Variants in REPS1 observed in about 807,000 individuals in gnomAD.
The protein encoded by REPS1 is RALBP1 associated Eps domain containing 1, also known as ralBP1-associated Eps domain-containing protein 1.
In REPS1, 39 loss-of-function variants were observed where a neutral mutation model predicts 100.9. The observed-to-expected ratio is 0.39, with a 90% CI of 0.30 to 0.50. The LOEUF (loss-of-function observed/expected upper bound fraction) is 0.50. Among genes scored for constraint, REPS1 ranks in the 20% least tolerant of loss-of-function variants. The probability of loss-of-function intolerance (pLI) is 0.86; values close to 1 mark genes in which losing one functional copy is unlikely to be tolerated. For synonymous variants in REPS1, 324 were observed against 340.3 expected, an observed-to-expected ratio of 0.95 and a Z score of 0.53; for missense variants, 821 against 968.5, an observed-to-expected ratio of 0.85 and a Z score of 2.02.
At position 138,943,937 on chromosome 6, in the gene REPS1, G is replaced by T; in HGVS notation, c.832C>A (p.Pro278Thr). 1 of 1,613,380 alleles carries T rather than the reference G, an allele frequency of 6.2e-7. No homozygotes were observed. Among genetic ancestry groups the T allele is most frequent in the Non-Finnish European group, 8.5e-7 (1 of 1,179,478 alleles). The change falls in exon 6 of 20, where the codon CCC (proline) becomes ACC (threonine). Residue 278 changes from proline (P) to threonine (T), a missense_variant. This residue lies in a region of REPS1 where 757 missense variants were observed against 866.4 expected (regional missense o/e 0.87). Coordinates refer to ENST00000450536, the MANE Select transcript of REPS1 (RefSeq NM_001286611.2). ...CTTTGTTCATCTGTTATTTTCCAGG[G>T]ATCATCATAACTACTGGATTGCCTA... Reference protein sequence around the residue: ...IRRQSSSYDDPWKITDEQRQY... With the variant: ...IRRQSSSYDDTWKITDEQRQY...
chr6:138,951,328 TA>T (rs1783024937), intron 1 of REPS1, among the ~76,000 whole-genome samples: 1 of 152,150 alleles, frequency 6.6e-6, no homozygotes, highest in Non-Finnish European at 1.5e-5. Flanking sequence ...CACAGAAAAC[TA>T]AAAGATCATA....
At chr6:138,906,387 A>AT (rs1282883626) in intron 19 of REPS1, among the ~76,000 whole-genome samples, 1 of 152,264 alleles carries the variant, frequency 6.6e-6, no homozygotes, top group Non-Finnish European at 1.5e-5. Context: ...CAAGACGGTC[A>AT]TAAGTTTATC....
At chr6:138,985,183 T>C (rs1307386737) in intron 1 of REPS1, among the ~76,000 whole-genome samples, 1 of 152,174 alleles carries the variant, frequency 6.6e-6, no homozygotes, top group Non-Finnish European at 1.5e-5. Flanking sequence ...TCTGATCACT[T>C]TTCTCTGCCT....
chr6:138,943,860 A>T lies in REPS1; in HGVS notation c.909T>A (p.Phe303Leu). ...FKTIQPDLNG[F>L]IPGSAAKEFF... is the part of the protein sequence containing the mutation. Reference sequence around the variant, plus strand: ...CTGTTTTCAACAACTCACCTGGAATAAATCCGTTTAGATCAGGCTGAATGG... The same window carrying T: ...CTGTTTTCAACAACTCACCTGGAATTAATCCGTTTAGATCAGGCTGAATGG... Residue 303 changes from phenylalanine (F) to leucine (L), a missense_variant, in exon 6 of 20, where the codon TTT (phenylalanine) becomes TTA (leucine). This residue lies in a region of REPS1 where 757 missense variants were observed against 866.4 expected (regional missense o/e 0.87). Transcript: ENST00000450536. 1 of 1,612,498 alleles carries T rather than the reference A, an allele frequency of 6.2e-7. No individual in the cohort carries two copies. The highest frequency in any genetic ancestry group is 8.5e-7 in the Non-Finnish European group (1 of 1,179,410).
Position 138,944,589 on chromosome 6 carries a change from T to C in REPS1, c.662A>G (p.His221Arg). ...SSAGDAVWSG[H>R]SPPPPQENWV... is the part of the protein sequence containing the mutation. ...GTTTTCTTGAGGTGGAGGTGGGGAA[T>C]GCCCTGACCACACTGCATCACCAGC... The change falls in exon 5 of 20, where the codon CAT becomes CGT. Residue 221 changes from histidine (H) to arginine (R), a missense_variant. By Grantham distance (29) the His-to-Arg change is conservative. This residue lies in a region of REPS1 where 757 missense variants were observed against 866.4 expected (regional missense o/e 0.87). Transcript: ENST00000450536. 1 of 1,614,032 alleles carries C rather than the reference T, an allele frequency of 6.2e-7. No homozygotes were observed. The highest frequency in any genetic ancestry group is 8.5e-7 in the Non-Finnish European group (1 of 1,179,938).
intron 10 of REPS1, among the ~76,000 whole-genome samples, chr6:138,922,749 C>T (rs1159175853): frequency 6.6e-6 from 1 of 152,100 alleles, no homozygotes; most frequent in African/African-American, 2.4e-5. Context: ...AATTTGAGAT[C>T]CTAAATTTTG....
intron 18 of REPS1, 61 bp from the exon 19 acceptor site, chr6:138,907,661 T>C: frequency 9.8e-7 from 1 of 1,018,082 alleles, no homozygotes; most frequent in South Asian, 1.3e-5. Flanking sequence ...AAATCCTCTC[T>C]ATTCCTTCCT....
chr6:138,906,607 T>A (rs541505780), intron 19 of REPS1, among the ~76,000 whole-genome samples: 1 of 152,332 alleles, frequency 6.6e-6, no homozygotes, highest in East Asian at 1.9e-4. Flanking sequence ...GTGTAATAAA[T>A]GCTAAATGAG....
At chr6:138,955,098 C>T (rs1385588637) in intron 1 of REPS1, among the ~76,000 whole-genome samples, 1 of 152,044 alleles carries the variant, frequency 6.6e-6, no homozygotes, top group East Asian at 1.9e-4. Flanking sequence ...TTGTGCATGT[C>T]TTTGTGCACT....
intron 1 of REPS1, among the ~76,000 whole-genome samples, chr6:138,967,925 CTAAT>C (rs1252472844): frequency 6.6e-6 from 1 of 152,110 alleles, no homozygotes; most frequent in African/African-American, 2.4e-5. Flanking sequence ...AAGAAAAAAA[CTAAT>C]TAATGCCCAG....
intron 17 of REPS1, among the ~76,000 whole-genome samples, chr6:138,909,428 CTTTAG>C (rs1246182906): frequency 2.6e-5 from 4 of 152,266 alleles, no homozygotes; most frequent in African/African-American, 9.6e-5. Flanking sequence ...ACTGCTATCT[CTTTAG>C]TTAAGTGATA....
At chr6:138,971,204 T>A (rs1784322885) in intron 1 of REPS1, among the ~76,000 whole-genome samples, 1 of 152,214 alleles carries the variant, frequency 6.6e-6, no homozygotes, top group African/African-American at 2.4e-5. Flanking sequence ...TTTAGTGTTC[T>A]GAATGAAGGC....
At chr6:138,955,457 AGTGTGTGTGTGTG>A (rs1354340270) in intron 1 of REPS1, among the ~76,000 whole-genome samples, 2 of 90,720 alleles carry the variant, frequency 2.2e-5, no homozygotes, top group East Asian at 9.6e-4. Context: ...AAAAAAAAAA[AGTGTGTGTGTGTG>A]TGTGTGTGTG....
chr6:138,911,307 T>C lies in REPS1; in HGVS notation c.2036A>G (p.Glu679Gly). The change falls in exon 17 of 20, where the codon GAA becomes GGA. Residue 679 changes from glutamate to glycine, a missense_variant. Around this residue, in one of 3 missense-constraint regions of REPS1, gnomAD observed 757 missense variants for 866.4 expected, o/e 0.87. Coordinates refer to ENST00000450536, the MANE Select transcript of REPS1 (RefSeq NM_001286611.2). ...RVAKTDSKTE[E>G]KTAASAPANV... is the part of the protein sequence containing the mutation. ...GGCAGGAGCACTAGCAGCTGTCTTTTCTTCAGTTTTACTATCTGTTTTGGC... is the reference window on the plus strand; with the variant it reads ...GGCAGGAGCACTAGCAGCTGTCTTTCCTTCAGTTTTACTATCTGTTTTGGC... 4 of 1,613,494 alleles carry C rather than the reference T, an allele frequency of 2.5e-6. No homozygotes were observed. Among genetic ancestry groups the C allele is most frequent in the Non-Finnish European group, 2.5e-6 (3 of 1,179,466 alleles).
intron 17 of REPS1, 72 bp from the exon 18 acceptor site, chr6:138,908,888 T>C (rs1779835687): frequency 7.1e-7 from 1 of 1,418,146 alleles, no homozygotes. Context: ...GCAACACCAT[T>C]TGCTTTCTTT....
intron 1 of REPS1, among the ~76,000 whole-genome samples, chr6:138,949,155 T>C (rs1782832342): frequency 6.6e-6 from 1 of 152,124 alleles, no homozygotes; most frequent in African/African-American, 2.4e-5. Context: ...TTTGTTTATA[T>C]AACAATGCAA....
intron 1 of REPS1, among the ~76,000 whole-genome samples, chr6:138,964,718 G>C (rs1783919881): frequency 6.6e-6 from 1 of 151,454 alleles, no homozygotes; most frequent in African/African-American, 2.4e-5. Context: ...TATAAAAACA[G>C]TATATTTCTC....
intron 1 of REPS1, among the ~76,000 whole-genome samples, chr6:138,975,466 A>G (rs998182378): frequency 1.3e-5 from 2 of 152,240 alleles, no homozygotes; most frequent in African/African-American, 4.8e-5. Flanking sequence ...AATTTTCTGT[A>G]GTATTAAAGC....
chr6:138,908,602 A>G (rs1192606078), intron 18 of REPS1, 66 bp downstream of exon 18: 1 of 1,574,892 alleles, frequency 6.3e-7, no homozygotes. Context: ...GGCCAGTTTG[A>G]TTACTTTTAA....
Sources: gnomAD v4.1 joint callset for allele counts (sites outside exome capture counted in the v4.1 genomes callset) on GRCh38, gnomAD v4.1.1 for gene constraint, gnomAD v4.1.1 regional missense constraint, MANE v1.5 for transcripts, NCBI Gene and HGNC (gene_info 2026-07-23, HGNC 2026-07-21) for gene names.